Variants in POMT2 observed in about 807,000 individuals in gnomAD.
POMT2 encodes protein O-mannosyltransferase 2.
A neutral mutation model predicts 100.0 loss-of-function variants in POMT2; 75 were observed. That is an observed-to-expected ratio of 0.75 (90% CI 0.62 to 0.91). The LOEUF (loss-of-function observed/expected upper bound fraction) is 0.91. Ranked by LOEUF, POMT2 falls within the 40% of genes least tolerant of loss-of-function variation. The pLI is 0.00. For missense variants in POMT2, 940 were observed against 955.1 expected (o/e 0.98, Z 0.21); for synonymous variants, 378 against 374.1 (o/e 1.01, Z -0.12).
At chr14:77,284,746 A>G (rs1038434659) in intron 14 of POMT2, among the ~76,000 whole-genome samples, 3 of 152,148 alleles carry the variant, frequency 2.0e-5, no homozygotes, top group Non-Finnish European at 4.4e-5. Flanking sequence ...CACTTTAGGG[A>G]GAGGAGTTTA....
chr14:77,304,920 T>G, intron 3 of POMT2, 120 bp from the exon 4 acceptor site: 1 of 1,490,172 alleles, frequency 6.7e-7, no homozygotes, highest in Non-Finnish European at 9.1e-7. Flanking sequence ...TTTGGTGACC[T>G]AAAGTCACCT....
chr14:77,285,373 A>G, intron 13 of POMT2, 108 bp downstream of exon 13: 1 of 1,445,920 alleles, frequency 6.9e-7, no homozygotes, highest in Non-Finnish European at 9.6e-7. Context: ...ACTAAGAACA[A>G]GCAGACAGCA....
intron 1 of POMT2, 158 bp downstream of exon 1, chr14:77,320,276 T>G: frequency 8.0e-7 from 1 of 1,243,256 alleles, no homozygotes; most frequent in South Asian, 1.3e-5. Flanking sequence ...TCCCAGAGAA[T>G]GCACCTCGCC....
rs538396465 is a variant in POMT2, at chr14:77,301,432, C to T, written c.657-183G>A. On this transcript the variant is annotated intron_variant, in intron 5 of 20. Coordinates refer to ENST00000261534, the MANE Select transcript of POMT2 (RefSeq NM_013382.7). The stretch of plus-strand genomic sequence containing the variant: ...GAGGCGGCCTGTGAAACCCCTGGAA[C>T]GGCAGGAAAAGCACTGTCTGAGGGC... Among the ~76,000 whole-genome samples the T allele has an allele frequency of 6.6e-5, 10 of 152,278 alleles. No homozygotes were observed. In the East Asian group the frequency reaches 1.5e-3, roughly 23 times the overall value.
At chr14:77,286,913 C>A in intron 11 of POMT2, 91 bp from the exon 12 acceptor site, 1 of 1,593,646 alleles carries the variant, frequency 6.3e-7, no homozygotes, top group Non-Finnish European at 8.6e-7. Context: ...AGTCAACTGT[C>A]AGGATAAGAA....
At chr14:77,312,429 C>A (rs975351494) in intron 1 of POMT2, 5 of 181,444 alleles carry the variant, frequency 2.8e-5, no homozygotes, top group Non-Finnish European at 5.7e-5. Flanking sequence ...TTTGGGAGGC[C>A]GAGGCAGGCG....
rs1361370605 is a variant in POMT2 at position 77,315,253 on chromosome 14, T to C, written c.249-3220A>G. 4.6e-5 allele frequency among the ~76,000 whole-genome samples: 7 copies of C among 152,154 alleles called. No individual in the cohort carries two copies. The East Asian group carries it at 1.4e-3, about 29-fold the overall frequency. ...CTAAAGGGAAAAGGGCCCCTAACCC[T>C]GAGGGAGCGACACTGGGGAGGTCGT... On this transcript the variant is annotated intron_variant, in intron 1 of 20. Coordinates refer to ENST00000261534, the MANE Select transcript of POMT2 (RefSeq NM_013382.7).
chr14:77,287,214 C>T (rs530685560), intron 11 of POMT2: 1 of 271,884 alleles, frequency 3.7e-6, no homozygotes, highest in Non-Finnish European at 7.2e-6. Flanking sequence ...AGCTAGGTAA[C>T]CTCCTCACTG....
intron 14 of POMT2, chr14:77,284,262 G>A: frequency 3.2e-6 from 1 of 312,234 alleles, no homozygotes; most frequent in South Asian, 3.1e-5. Flanking sequence ...TGGACGCCTG[G>A]AGCAGCTGCT....
At chr14:77,305,967 G>C (rs1891212177) in intron 3 of POMT2, among the ~76,000 whole-genome samples, 5 of 152,212 alleles carry the variant, frequency 3.3e-5, no homozygotes, top group Admixed American at 3.3e-4. Context: ...TGGCTGTGAG[G>C]GGAGGAGCAG....
In POMT2 at chr14:77,280,406, G is replaced by A. The variant is rs771812476; in HGVS notation, c.1711C>T (p.Pro571Ser). The A allele has an allele frequency of 3.2e-5, 52 of 1,614,148 alleles. No individual in the cohort carries two copies. The highest frequency in any genetic ancestry group is 4.2e-5 in the Non-Finnish European group (50 of 1,180,028). ...NEFTSKPWHWPINYQGLRFSG... is the reference protein window; with the variant it reads ...NEFTSKPWHWSINYQGLRFSG... ...TTGGATCCTACCTGATAGTTGATAG[G>A]CCAGTGCCAGGGTTTGGACGTGAAC... The change falls in exon 16 of 21, where the codon CCT becomes TCT. Residue 571 changes from proline to serine, a missense_variant. Physicochemically the swap from Pro to Ser is moderately conservative, Grantham distance 74. Coordinates refer to ENST00000261534, the MANE Select transcript of POMT2 (RefSeq NM_013382.7).
Position 77,277,206 on chromosome 14 carries a change from CTCCAATGCTGGGT to C in POMT2, c.*157_*169del, listed in dbSNP as rs1382606035. 9.1e-6 allele frequency: 6 copies of C among 660,934 alleles called. No individual in the cohort carries two copies. The African/African-American group carries it at 1.1e-4, about 12-fold the overall frequency. 40.9% of individuals were successfully genotyped at this position (660,934 alleles called of 1,614,324 possible). ...GGAGCTGCGGCTCTCTCCCGGCTCT[CTCCAATGCTGGGT>C]TCCATTCCAGCTGCACTCCCAGAGC... On this transcript the variant is annotated 3_prime_UTR_variant, in exon 21 of 21. Transcript: ENST00000261534.
rs1301087590 is a variant in POMT2, at chr14:77,291,307, A to T, written c.1183+7T>A. 2.5e-6 allele frequency: 4 copies of T among 1,606,100 alleles called. No homozygotes were observed. The highest frequency in any genetic ancestry group is 3.4e-6 in the Non-Finnish European group (4 of 1,177,366). On this transcript the variant is annotated splice_region_variant and intron_variant, in intron 10 of 20. Transcript: ENST00000261534. ...GCACAAGAAGCATCAGTCTCTGACC[A>T]CATTACCTGAGTTTGTGTTATGTTT... is the stretch of plus-strand genomic sequence containing the variant.
chr14:77,286,189 G>A (rs549087802), intron 12 of POMT2, among the ~76,000 whole-genome samples: 3 of 152,320 alleles, frequency 2.0e-5, no homozygotes, highest in South Asian at 4.1e-4. Flanking sequence ...AAATCCACCT[G>A]AAGGCCAGAA....
In POMT2 at chr14:77,311,839, A is replaced by C. The variant is rs756955622; in HGVS notation, c.333+110T>G. The stretch of plus-strand genomic sequence containing the variant: ...TCTGAAATGTCAGAAAATTCTTTCT[A>C]CAAGTCCCAAATTCTTTCTAGAAGC... On this transcript the variant is annotated intron_variant, in intron 2 of 20. Transcript: ENST00000261534. 1.9e-5 allele frequency: 28 copies of C among 1,486,710 alleles called. No individual in the cohort carries two copies. The Admixed American group carries it at 4.9e-4, about 26-fold the overall frequency. 92.1% of individuals were successfully genotyped at this position (1,486,710 alleles called of 1,614,324 possible). A position where few individuals can be genotyped will look rare whatever the true frequency, so the allele number is the denominator to read the frequency against.
chr14:77,303,978 G>A (rs1311165932), intron 4 of POMT2, among the ~76,000 whole-genome samples: 1 of 152,202 alleles, frequency 6.6e-6, no homozygotes. Flanking sequence ...ATGACTAAAT[G>A]AATGAATAAC....
chr14:77,312,314 C>A, intron 1 of POMT2: 1 of 321,896 alleles, frequency 3.1e-6, no homozygotes, highest in Non-Finnish European at 5.7e-6. Flanking sequence ...TCTTGAGTTT[C>A]TATTTATTTT....
chr14:77,301,551 C>CAGGCAG (rs1266691839), intron 5 of POMT2, among the ~76,000 whole-genome samples: 1 of 152,210 alleles, frequency 6.6e-6, no homozygotes, highest in African/African-American at 2.4e-5. Flanking sequence ...AGTGACCAGT[C>CAGGCAG]AGGCAGGAGT....
intron 1 of POMT2, chr14:77,312,274 T>C: frequency 2.0e-6 from 1 of 491,694 alleles, no homozygotes; most frequent in South Asian, 2.1e-5. Flanking sequence ...AGTTACCAAT[T>C]GAGTTAAATA....
Sources: gnomAD v4.1 joint callset for allele counts (sites outside exome capture counted in the v4.1 genomes callset) on GRCh38, gnomAD v4.1.1 for gene constraint, MANE v1.5 for transcripts, NCBI Gene and HGNC (gene_info 2026-07-23, HGNC 2026-07-21) for gene names.